Variants in CNTNAP4 observed in about 807,000 individuals in gnomAD.
CNTNAP4 encodes contactin associated protein family member 4.
CNTNAP4 carries 98 observed loss-of-function variants against 148.4 expected under a neutral mutation model. That is an observed-to-expected ratio of 0.66 (90% confidence interval 0.56 to 0.78). The LOEUF is 0.78. CNTNAP4 is among the 30% of genes least tolerant of loss of function. The probability of loss-of-function intolerance (pLI) is 0.00; values close to 1 mark genes in which losing one functional copy is unlikely to be tolerated. For synonymous variants in CNTNAP4, 730 were observed against 565.1 expected (o/e 1.29, Z -4.14); for missense variants, 1,935 against 1,565.6 (o/e 1.24, Z -3.98).
At chr16:76,343,067 C>G (rs1285122217) in intron 2 of CNTNAP4, among the ~76,000 whole-genome samples, 1 of 151,032 alleles carries the variant, frequency 6.6e-6, no homozygotes, top group Non-Finnish European at 1.5e-5. Context: ...TTGCCAGAAG[C>G]AATTTGAAAT....
At chr16:76,539,401 T>A (rs1247745099) in intron 19 of CNTNAP4, among the ~76,000 whole-genome samples, 1 of 152,114 alleles carries the variant, frequency 6.6e-6, no homozygotes, top group Non-Finnish European at 1.5e-5. Context: ...AGCAATAGGT[T>A]GGCATTTCAG....
chr16:76,475,867 C>A, intron 10 of CNTNAP4, 72 bp from the exon 11 acceptor site: 1 of 1,001,962 alleles, frequency 1.0e-6, no homozygotes, highest in Non-Finnish European at 1.6e-6. Context: ...TTCTCATGAC[C>A]AAGTATAAAT....
At chr16:76,545,892 G>A (rs1420954031) in intron 21 of CNTNAP4, among the ~76,000 whole-genome samples, 6 of 151,958 alleles carry the variant, frequency 3.9e-5, no homozygotes, top group African/African-American at 7.3e-5. Flanking sequence ...AAAATTAGCC[G>A]GGCGTGGTAG....
At chr16:76,409,582 A>G (rs924813051) in intron 3 of CNTNAP4, among the ~76,000 whole-genome samples, 1 of 152,054 alleles carries the variant, frequency 6.6e-6, no homozygotes, top group Non-Finnish European at 1.5e-5. Context: ...AAGGCAAACT[A>G]GTTAAAAAGA....
At chr16:76,465,542 A>T (rs2081143768) in intron 9 of CNTNAP4, among the ~76,000 whole-genome samples, 1 of 152,218 alleles carries the variant, frequency 6.6e-6, no homozygotes, top group South Asian at 2.1e-4. Context: ...ATGTGTCAGG[A>T]AACGCCACCT....
intron 8 of CNTNAP4, among the ~76,000 whole-genome samples, chr16:76,457,203 C>G (rs985208644): frequency 1.1e-4 from 17 of 152,128 alleles, no homozygotes; most frequent in African/African-American, 4.1e-4. Context: ...TATTATCAGA[C>G]CTAGTAACGG....
Position 76,277,578 on chromosome 16 carries a change from C to G in CNTNAP4, c.-85C>G, listed in dbSNP as rs1205024001. Reference sequence around the variant, plus strand: ...GACCTAGAGGGGCTGAAGACCCAGACAGAGCTGGCAGAGCTACTGAGAAGA... The same window carrying G: ...GACCTAGAGGGGCTGAAGACCCAGAGAGAGCTGGCAGAGCTACTGAGAAGA... On this transcript the variant is annotated 5_prime_UTR_variant, in exon 1 of 24. Transcript: ENST00000611870. The G allele has an allele frequency of 1.1e-6, 1 of 872,790 alleles. No homozygotes were observed. Among genetic ancestry groups the G allele is most frequent in the Non-Finnish European group, 1.9e-6 (1 of 536,222 alleles). 54.1% of individuals were successfully genotyped at this position (872,790 alleles called of 1,614,324 possible).
chr16:76,511,102 G>C (rs987778709), intron 15 of CNTNAP4, among the ~76,000 whole-genome samples: 3 of 152,152 alleles, frequency 2.0e-5, no homozygotes, highest in African/African-American at 7.2e-5. Context: ...AATGTGGTCT[G>C]AATTTCTGCT....
At chr16:76,438,621 G>A (rs1196411632) in intron 4 of CNTNAP4, among the ~76,000 whole-genome samples, 1 of 152,044 alleles carries the variant, frequency 6.6e-6, no homozygotes, top group Non-Finnish European at 1.5e-5. Context: ...TGATCAGCCA[G>A]TAATTCACCT....
Position 76,460,753 on chromosome 16 carries a change from C to CAAAAAAAA in CNTNAP4, c.1334-1189_1334-1182dup, listed in dbSNP as rs1158805627. On this transcript the variant is annotated intron_variant, in intron 8 of 23. Transcript: ENST00000611870. ...GGGCGACAGAGCCAGACTCATGTCT[C>CAAAAAAAA]AAAAAAAAAAAAAAAAAAAAATATA... Among the ~76,000 whole-genome samples, 18 of 15,510 alleles carry CAAAAAAAA rather than the reference C, an allele frequency of 1.2e-3. 3 individuals carry two copies. The highest frequency in any genetic ancestry group is 2.7e-3 in the African/African-American group (13 of 4,794). The allele number at this position is 15,510 out of a possible 152,430, so 10.2% of individuals were successfully genotyped here. A position where few individuals can be genotyped will look rare whatever the true frequency, so the allele number is the denominator to read the frequency against.
intron 8 of CNTNAP4, among the ~76,000 whole-genome samples, chr16:76,456,846 C>T (rs916521821): frequency 6.6e-5 from 10 of 152,176 alleles, no homozygotes; most frequent in African/African-American, 1.7e-4. Context: ...TTTCTGTTTT[C>T]CTTCAGCTAT....
Position 76,486,789 on chromosome 16 carries a change from T to A in CNTNAP4, c.1883-2897T>A, listed in dbSNP as rs562926174. ...CTGTATGGAGGGAAGGAGGAGAGAGTGTGCCAGGCACCCTCTGTAAGCCCA... is the reference window on the plus strand; with the variant it reads ...CTGTATGGAGGGAAGGAGGAGAGAGAGTGCCAGGCACCCTCTGTAAGCCCA... On this transcript the variant is annotated intron_variant, in intron 12 of 23. Coordinates refer to ENST00000611870, the MANE Select transcript of CNTNAP4 (RefSeq NM_033401.5). Among the ~76,000 whole-genome samples, 10 of 151,870 alleles carry A rather than the reference T, an allele frequency of 6.6e-5. No individual in the cohort carries two copies. In the East Asian group the frequency reaches 1.9e-3, roughly 30 times the overall value.
At chr16:76,500,584 T>A (rs1266099981) in intron 15 of CNTNAP4, among the ~76,000 whole-genome samples, 1 of 120,974 alleles carries the variant, frequency 8.3e-6, no homozygotes, top group Non-Finnish European at 1.8e-5. Context: ...CCAAATATAT[T>A]TCACCTGTAA....
Position 76,538,357 on chromosome 16 carries a change from T to A in CNTNAP4, c.3220+17T>A. The A allele has an allele frequency of 6.5e-7, 1 of 1,548,992 alleles. No homozygotes were observed. Among genetic ancestry groups the A allele is most frequent in the Non-Finnish European group, 8.9e-7 (1 of 1,126,444 alleles). On this transcript the variant is annotated intron_variant, in intron 19 of 23. Coordinates refer to ENST00000611870, the MANE Select transcript of CNTNAP4 (RefSeq NM_033401.5). ...CCAAAAATGGTGAGTTCTTTTTAGATGAGAGAGAGAAAATTAAATTAGAAC... is the reference window on the plus strand; with the variant it reads ...CCAAAAATGGTGAGTTCTTTTTAGAAGAGAGAGAGAAAATTAAATTAGAAC...
At chr16:76,320,813 C>T (rs1312362761) in intron 2 of CNTNAP4, among the ~76,000 whole-genome samples, 1 of 152,066 alleles carries the variant, frequency 6.6e-6, no homozygotes, top group Non-Finnish European at 1.5e-5. Context: ...TGTACTTGGA[C>T]AACCTTGGAA....
intron 15 of CNTNAP4, among the ~76,000 whole-genome samples, chr16:76,513,128 G>T (rs1277412922): frequency 6.6e-6 from 1 of 152,166 alleles, no homozygotes; most frequent in African/African-American, 2.4e-5. Flanking sequence ...GAGAGATCCA[G>T]TAAATAAATC....
chr16:76,453,697 A>C (rs919390396), intron 8 of CNTNAP4, among the ~76,000 whole-genome samples: 5 of 152,194 alleles, frequency 3.3e-5, no homozygotes, highest in Non-Finnish European at 5.9e-5. Context: ...GTTAAAATAC[A>C]GTTGAAAATT....
chr16:76,364,431 G>C (rs1896753), intron 3 of CNTNAP4, among the ~76,000 whole-genome samples: 2 of 152,118 alleles, frequency 1.3e-5, no homozygotes, highest in African/African-American at 4.8e-5. Context: ...TGCCTCTTCA[G>C]AGTGTACACC....
chr16:76,291,079 C>T (rs1251467961), intron 1 of CNTNAP4, among the ~76,000 whole-genome samples: 1 of 152,060 alleles, frequency 6.6e-6, no homozygotes, highest in African/African-American at 2.4e-5. Context: ...CTGTTATGGC[C>T]CTCTCTCTGA....
Sources: gnomAD v4.1 joint callset for allele counts (sites outside exome capture counted in the v4.1 genomes callset) on GRCh38, gnomAD v4.1.1 for gene constraint, MANE v1.5 for transcripts, NCBI Gene and HGNC (gene_info 2026-07-23, HGNC 2026-07-21) for gene names.